The following RAP1GAP2 variants were observed in gnomAD, a reference collection of about 807,000 sequenced individuals.
RAP1GAP2 encodes RAP1 GTPase activating protein 2, also known as rap1 GTPase-activating protein 2.
In RAP1GAP2, 27 loss-of-function variants were observed where a neutral mutation model predicts 95.0. The observed-to-expected ratio is 0.28, with a 90% CI of 0.21 to 0.39. The LOEUF (loss-of-function observed/expected upper bound fraction) is 0.39, where lower values mean the gene tolerates loss of function less well. RAP1GAP2 is among the 10% of genes least tolerant of loss of function. The probability of loss-of-function intolerance (pLI) is 1.00; values close to 1 mark genes in which losing one functional copy is unlikely to be tolerated. For missense variants in RAP1GAP2, 771 were observed against 970.0 expected, an observed-to-expected ratio of 0.79 and a Z score of 2.72; for synonymous variants, 373 against 380.9, an observed-to-expected ratio of 0.98 and a Z score of 0.24.
rs552598035 is a variant in RAP1GAP2, at chr17:2,963,787, G to C, written c.280-69G>C. On this transcript the variant is annotated intron_variant, in intron 6 of 24. Transcript: ENST00000254695. The surrounding 1 kb of genome is among the most constrained non-coding windows in gnomAD (Gnocchi z 4.8). Reference sequence around the variant, plus strand: ...CCACTCCTGGGAGCAGCGCAGAGGGGACACCGCCACCGGCCCCCTCCCTCC... The same window carrying C: ...CCACTCCTGGGAGCAGCGCAGAGGGCACACCGCCACCGGCCCCCTCCCTCC... The C allele has an allele frequency of 4.4e-6, 6 of 1,360,300 alleles. No individual in the cohort carries two copies. Among genetic ancestry groups the C allele is most frequent in the East Asian group, 2.5e-5 (1 of 39,808 alleles). The allele number at this position is 1,360,300 out of a possible 1,614,324, so 84.3% of individuals were successfully genotyped here.
At chr17:3,023,551 C>T (rs1338153743) in intron 19 of RAP1GAP2, among the ~76,000 whole-genome samples, 2 of 152,170 alleles carry the variant, frequency 1.3e-5, no homozygotes, top group African/African-American at 4.8e-5. Context: ...CTGTTTGGAA[C>T]CTGTGCATGG....
At chr17:2,831,159 C>A (rs2070834913) in intron 2 of RAP1GAP2, among the ~76,000 whole-genome samples, 1 of 132,100 alleles carries the variant, frequency 7.6e-6, no homozygotes, top group Non-Finnish European at 1.6e-5. Flanking sequence ...CTCACTGCAA[C>A]CTCTGCCTCC....
chr17:2,841,714 G>A (rs1236829715), intron 2 of RAP1GAP2, among the ~76,000 whole-genome samples: 1 of 152,180 alleles, frequency 6.6e-6, no homozygotes, highest in African/African-American at 2.4e-5. Flanking sequence ...AATGGCTGGG[G>A]CTCAGTGTCA....
intron 2 of RAP1GAP2, among the ~76,000 whole-genome samples, chr17:2,876,924 C>G (rs1360136299): frequency 7.4e-6 from 1 of 135,670 alleles, no homozygotes; most frequent in Non-Finnish European, 1.5e-5. Flanking sequence ...GAGTTTTGCT[C>G]TGTTGCCAGG....
chr17:2,771,499 G>GTTTTTTTTTTTTTTTTTTTTTTTTTT (rs397976670), intron 2 of RAP1GAP2, among the ~76,000 whole-genome samples: 1 of 124,766 alleles, frequency 8.0e-6, no homozygotes, highest in Non-Finnish European at 1.7e-5. Flanking sequence ...TTTTTTTTTT[G>GTTTTTTTTTTTTTTTTTTTTTTTTTT]TTTTTTTTTT....
In RAP1GAP2 at chr17:2,963,550, C is replaced by T. The variant is rs1159727901; in HGVS notation, c.279+88C>T. On this transcript the variant is annotated intron_variant, in intron 6 of 24. Transcript: ENST00000254695. This position sits in a 1 kb window ranked among gnomAD's most constrained non-coding sequence, Gnocchi z 4.8. ...AATGATGGCGATGGCCTGTGCCCAG[C>T]CCCCCAGGGGAGAGAACCTTGGGCC... The T allele has an allele frequency of 5.0e-5, 77 of 1,545,274 alleles. No individual in the cohort carries two copies. Among genetic ancestry groups the T allele is most frequent in the East Asian group, 6.7e-5 (3 of 44,568 alleles).
At chr17:2,888,655 T>C (rs1259643892) in intron 2 of RAP1GAP2, among the ~76,000 whole-genome samples, 12 of 77,190 alleles carry the variant, frequency 1.6e-4, no homozygotes, top group Non-Finnish European at 3.6e-4. Flanking sequence ...TCTTTTTCTT[T>C]TTTTTTTTTT....
intron 14 of RAP1GAP2, among the ~76,000 whole-genome samples, chr17:2,999,306 C>T (rs927233263): frequency 1.8e-4 from 27 of 152,144 alleles, no homozygotes; most frequent in Admixed American, 3.9e-4. Flanking sequence ...GACTCAAGGG[C>T]GTTGGACTGA....
intron 10 of RAP1GAP2, among the ~76,000 whole-genome samples, chr17:2,981,699 A>G (rs186538240): frequency 2.6e-5 from 4 of 152,182 alleles, no homozygotes; most frequent in Non-Finnish European, 5.9e-5. Flanking sequence ...CTCTCCGGCC[A>G]TATAAGCCTC....
chr17:2,886,972 C>T (rs778208127), intron 2 of RAP1GAP2, among the ~76,000 whole-genome samples: 5 of 152,148 alleles, frequency 3.3e-5, no homozygotes, highest in Non-Finnish European at 7.3e-5. Context: ...TCTGTATCTA[C>T]CACATAGGGG....
At chr17:2,920,263 C>T (rs2042715152) in intron 3 of RAP1GAP2, among the ~76,000 whole-genome samples, 1 of 152,230 alleles carries the variant, frequency 6.6e-6, no homozygotes, top group Non-Finnish European at 1.5e-5. Flanking sequence ...CTCTCCTCCT[C>T]TTTCTGCCTG....
chr17:2,891,793 A>G (rs1432646410), intron 2 of RAP1GAP2, among the ~76,000 whole-genome samples: 1 of 136,578 alleles, frequency 7.3e-6, no homozygotes, highest in Non-Finnish European at 1.6e-5. Context: ...GTCTGATGAT[A>G]TGCAGATTCA....
chr17:2,993,890 T>C (rs1435238787), intron 12 of RAP1GAP2, among the ~76,000 whole-genome samples: 1 of 151,712 alleles, frequency 6.6e-6, no homozygotes, highest in South Asian at 2.1e-4. Context: ...TGAAAAATTA[T>C]AAAAATTAGC....
intron 2 of RAP1GAP2, among the ~76,000 whole-genome samples, chr17:2,847,704 T>A (rs1333104113): frequency 6.8e-6 from 1 of 146,466 alleles, no homozygotes; most frequent in Non-Finnish European, 1.5e-5. Context: ...TGGAAGTGGC[T>A]TCAGGAGTAG....
chr17:2,844,743 CTG>C (rs1241389990), intron 2 of RAP1GAP2, among the ~76,000 whole-genome samples: 2 of 152,186 alleles, frequency 1.3e-5, no homozygotes, highest in Admixed American at 1.3e-4. Flanking sequence ...ACGAAGGAAA[CTG>C]TCGTTGGCTA....
chr17:2,839,356 A>C (rs1467622429), intron 2 of RAP1GAP2, among the ~76,000 whole-genome samples: 1 of 152,050 alleles, frequency 6.6e-6, no homozygotes, highest in South Asian at 2.1e-4. Context: ...TTACAGAAAA[A>C]TTAAGAGTAC....
chr17:3,022,967 A>G (rs970903269), intron 19 of RAP1GAP2, among the ~76,000 whole-genome samples: 1 of 152,240 alleles, frequency 6.6e-6, no homozygotes. Context: ...TTTTACCAGC[A>G]CCACTTACTG....
chr17:2,811,903 C>T (rs1022688431), intron 2 of RAP1GAP2, among the ~76,000 whole-genome samples: 3 of 151,788 alleles, frequency 2.0e-5, no homozygotes, highest in Admixed American at 6.6e-5. Context: ...TTACTAGAGG[C>T]GAGGTTTCAC....
chr17:2,919,772 G>A (rs1361872949), intron 3 of RAP1GAP2, among the ~76,000 whole-genome samples: 2 of 151,966 alleles, frequency 1.3e-5, no homozygotes, highest in Non-Finnish European at 1.5e-5. Context: ...GCGCGATCTC[G>A]GCTCACTGCA....
Sources: gnomAD v4.1 joint callset for allele counts (sites outside exome capture counted in the v4.1 genomes callset) on GRCh38, gnomAD v4.1.1 for gene constraint, Gnocchi (gnomAD v3.1) non-coding constraint, MANE v1.5 for transcripts, NCBI Gene and HGNC (gene_info 2026-07-23, HGNC 2026-07-21) for gene names.